TBC1D5: variants seen among roughly 807,000 people sequenced by gnomAD.
TBC1D5 encodes the protein TBC1 domain family member 5, also known as TBC1 domain family, member 5.
Under a neutral mutation model 100.3 loss-of-function variants are expected in TBC1D5, and 75 were observed. That is an observed-to-expected ratio of 0.75 (90% CI 0.62 to 0.91). The LOEUF (loss-of-function observed/expected upper bound fraction) is 0.91, where lower values mean the gene tolerates loss of function less well. Ranked by LOEUF, TBC1D5 falls within the 40% of genes least tolerant of loss-of-function variation. The pLI is 0.00. For synonymous variants in TBC1D5, 323 were observed against 325.6 expected (o/e 0.99, Z 0.09); for missense variants, 910 against 942.4 (o/e 0.97, Z 0.45).
intron 17 of TBC1D5, among the ~76,000 whole-genome samples, chr3:17,223,364 T>G (rs2074491426): frequency 6.6e-6 from 1 of 152,198 alleles, no homozygotes; most frequent in South Asian, 2.1e-4. Context: ...AGAATACACT[T>G]CAGCAATGTG....
At chr3:17,627,829 T>C (rs1194660988) in intron 1 of TBC1D5, among the ~76,000 whole-genome samples, 2 of 152,060 alleles carry the variant, frequency 1.3e-5, no homozygotes, top group Non-Finnish European at 2.9e-5. Flanking sequence ...CCTGAGTCCA[T>C]ACAGCATGCA....
At chr3:17,378,824 G>T in intron 9 of TBC1D5, among the ~76,000 whole-genome samples, 1 of 148,298 alleles carries the variant, frequency 6.7e-6, no homozygotes. Flanking sequence ...TTTTTGCCAT[G>T]AAAATAAGTA....
Position 17,226,149 on chromosome 3 carries a change from C to G in TBC1D5, c.1589-11779G>C, listed in dbSNP as rs546402821. Among the ~76,000 whole-genome samples, 3 of 150,014 alleles carry G rather than the reference C, an allele frequency of 2.0e-5. No individual in the cohort carries two copies. The South Asian group carries it at 6.5e-4, about 32-fold the overall frequency. ...TCAGACTTCTCTGCCTTTTTCGTATCTGGTATGCACAGAATCTGATCACAT... is the reference window on the plus strand; with the variant it reads ...TCAGACTTCTCTGCCTTTTTCGTATGTGGTATGCACAGAATCTGATCACAT... On this transcript the variant is annotated intron_variant, in intron 17 of 21. Coordinates refer to ENST00000253692, the Ensembl canonical transcript of TBC1D5.
intron 1 of TBC1D5, among the ~76,000 whole-genome samples, chr3:17,625,189 C>T (rs1362979890): frequency 2.0e-5 from 3 of 151,864 alleles, no homozygotes; most frequent in African/African-American, 7.2e-5. Context: ...AATCACAGTC[C>T]AGCAGAAGTG....
At chr3:17,505,595 A>G (rs2095836962) in intron 3 of TBC1D5, among the ~76,000 whole-genome samples, 1 of 152,200 alleles carries the variant, frequency 6.6e-6, no homozygotes, top group Non-Finnish European at 1.5e-5. Flanking sequence ...TGTGAAAACG[A>G]GTGATTCCAA....
chr3:17,309,005 C>T (rs1196073805), intron 13 of TBC1D5, among the ~76,000 whole-genome samples: 1 of 152,040 alleles, frequency 6.6e-6, no homozygotes, highest in Non-Finnish European at 1.5e-5. Flanking sequence ...AATTTCCTTA[C>T]ATAAGTCTTT....
At chr3:17,443,933 A>G (rs2094723131) in intron 3 of TBC1D5, among the ~76,000 whole-genome samples, 2 of 152,188 alleles carry the variant, frequency 1.3e-5, no homozygotes, top group South Asian at 4.1e-4. Context: ...GGGACAATAC[A>G]GCCTCCCAGT....
chr3:17,390,359 A>C (rs2093316198), intron 8 of TBC1D5, among the ~76,000 whole-genome samples: 1 of 152,170 alleles, frequency 6.6e-6, no homozygotes, highest in Non-Finnish European at 1.5e-5. Flanking sequence ...GCAGGCAACA[A>C]AGAGACAAAA....
intron 2 of TBC1D5, among the ~76,000 whole-genome samples, chr3:17,534,653 G>A (rs1400876789): frequency 1.3e-5 from 2 of 152,100 alleles, no homozygotes; most frequent in Non-Finnish European, 2.9e-5. Context: ...AGATGATGTC[G>A]GTGTTACAAG....
chr3:17,165,510 G>A (rs2066508168), intron 21 of TBC1D5, among the ~76,000 whole-genome samples: 1 of 152,326 alleles, frequency 6.6e-6, no homozygotes, highest in Middle Eastern at 3.4e-3. Context: ...TTGCATTCAT[G>A]TGGCTACAAA....
chr3:17,390,627 C>T (rs149213777), intron 8 of TBC1D5, among the ~76,000 whole-genome samples: 167 of 152,050 alleles, frequency 1.1e-3, no homozygotes, highest in African/African-American at 3.9e-3. Flanking sequence ...GTTGTTATGC[C>T]CATATTTCAA....
chr3:17,320,060 G>A (rs2150908337), intron 13 of TBC1D5, among the ~76,000 whole-genome samples: 1 of 152,240 alleles, frequency 6.6e-6, no homozygotes, highest in East Asian at 1.9e-4. Flanking sequence ...GGACATTTAG[G>A]TTCCTTTGTT....
chr3:17,462,081 A>T (rs1377176082), intron 3 of TBC1D5, among the ~76,000 whole-genome samples: 1 of 152,058 alleles, frequency 6.6e-6, no homozygotes, highest in Non-Finnish European at 1.5e-5. Flanking sequence ...ATTTTAAAAA[A>T]TTTACTTATT....
At chr3:17,317,023 A>G (rs1008752313) in intron 13 of TBC1D5, among the ~76,000 whole-genome samples, 3 of 152,196 alleles carry the variant, frequency 2.0e-5, no homozygotes, top group Non-Finnish European at 4.4e-5. Context: ...TTTTAACTCA[A>G]TAATAATCCC....
At chr3:17,266,780 T>C (rs749025909) in intron 15 of TBC1D5, among the ~76,000 whole-genome samples, 1 of 152,178 alleles carries the variant, frequency 6.6e-6, no homozygotes, top group Non-Finnish European at 1.5e-5. Flanking sequence ...TTACTAATAA[T>C]TCCTATGTAT....
chr3:17,591,464 A>G (rs2096771296), intron 2 of TBC1D5, among the ~76,000 whole-genome samples: 1 of 152,038 alleles, frequency 6.6e-6, no homozygotes, highest in Non-Finnish European at 1.5e-5. Flanking sequence ...GTAACTGTGC[A>G]CTGGGGAAAG....
At chr3:17,159,628 G>GAAAC (rs1441648049) in exon 22 of TBC1D5, 7 of 152,420 alleles carry the variant, frequency 4.6e-5, no homozygotes, top group African/African-American at 1.4e-4. Flanking sequence ...TTTAAGGAGA[G>GAAAC]AAACAGCTCA....
intron 13 of TBC1D5, among the ~76,000 whole-genome samples, chr3:17,319,117 T>G (rs994028994): frequency 7.9e-5 from 12 of 152,216 alleles, no homozygotes; most frequent in African/African-American, 2.9e-4. Flanking sequence ...TGAAGTTTAG[T>G]TGACTGAGGG....
At chr3:17,536,175 G>C (rs1007694462) in intron 2 of TBC1D5, among the ~76,000 whole-genome samples, 2 of 152,104 alleles carry the variant, frequency 1.3e-5, no homozygotes, top group Non-Finnish European at 2.9e-5. Context: ...AAAGATACTA[G>C]TCAAAGTTTT....
Sources: gnomAD v4.1 joint callset for allele counts (sites outside exome capture counted in the v4.1 genomes callset) on GRCh38, gnomAD v4.1.1 for gene constraint, MANE v1.5 for transcripts, NCBI Gene and HGNC (gene_info 2026-07-23, HGNC 2026-07-21) for gene names.